SLC30A7: variants seen among roughly 807,000 people sequenced by gnomAD.
The protein encoded by SLC30A7 is zinc transporter 7.
SLC30A7 carries 35 observed loss-of-function variants against 46.0 expected under a neutral mutation model. That is an observed-to-expected ratio of 0.76 (90% CI 0.58 to 1.01). The LOEUF is 1.01. Among genes scored for constraint, SLC30A7 ranks in the 50% least tolerant of loss-of-function variants. The pLI is 0.00. For missense variants in SLC30A7, 464 were observed against 451.1 expected, an observed-to-expected ratio of 1.03 and a Z score of -0.26; for synonymous variants, 147 against 157.8, an observed-to-expected ratio of 0.93 and a Z score of 0.51.
At chr1:100,912,877 A>G (rs910643747) in intron 5 of SLC30A7, among the ~76,000 whole-genome samples, 7 of 137,370 alleles carry the variant, frequency 5.1e-5, no homozygotes, top group Middle Eastern at 3.5e-3. Flanking sequence ...GACTCTGTCT[A>G]AAAAAAAAAA....
chr1:100,990,383 A>G, the SLC30A7 span: 1 of 1,602,818 alleles, frequency 6.2e-7, no homozygotes, highest in South Asian at 1.1e-5. Flanking sequence ...TGAAATTTAC[A>G]TCAGACAATG....
chr1:100,942,975 A>T (rs1257695962), intron 8 of SLC30A7, among the ~76,000 whole-genome samples: 2 of 152,212 alleles, frequency 1.3e-5, no homozygotes, highest in African/African-American at 4.8e-5. Flanking sequence ...GTTCCCTGTT[A>T]CGTGACTGAG....
chr1:100,990,475 A>G, the SLC30A7 span: 1 of 1,614,046 alleles, frequency 6.2e-7, no homozygotes, highest in African/African-American at 1.3e-5. Flanking sequence ...TAGCATCTCC[A>G]TCTCCATTGG....
Position 100,961,935 on chromosome 1 carries a change from C to G in SLC30A7, c.933+17C>G. 1 of 1,476,328 alleles carries G rather than the reference C, an allele frequency of 6.8e-7. No individual in the cohort carries two copies. The highest frequency in any genetic ancestry group is 1.4e-5 in the African/African-American group (1 of 71,176). 91.5% of individuals were successfully genotyped at this position (1,476,328 alleles called of 1,614,324 possible). A position where few individuals can be genotyped will look rare whatever the true frequency, so the allele number is the denominator to read the frequency against. On this transcript the variant is annotated intron_variant, in intron 9 of 10. Transcript: ENST00000357650. ...TATCAGAGGGTGAGTTTCAAATACT[C>G]CAAACCATTGGATTTTATGCTGTTT...
At chr1:100,933,867 A>G (rs1021323231) in intron 8 of SLC30A7, among the ~76,000 whole-genome samples, 4 of 152,214 alleles carry the variant, frequency 2.6e-5, no homozygotes, top group Non-Finnish European at 5.9e-5. Flanking sequence ...ATGTCCTAAC[A>G]ATTCTTTAAG....
downstream of SLC30A7, among the ~76,000 whole-genome samples, chr1:100,986,675 A>G (rs1437199767): frequency 6.6e-6 from 1 of 152,216 alleles, no homozygotes; most frequent in African/African-American, 2.4e-5. Flanking sequence ...CACAATCGCT[A>G]AAAAGTGGAA....
intron 8 of SLC30A7, among the ~76,000 whole-genome samples, chr1:100,930,400 T>C (rs1363383902): frequency 1.3e-5 from 2 of 148,418 alleles, no homozygotes; most frequent in Non-Finnish European, 3.0e-5. Flanking sequence ...CTGTATAAAA[T>C]AGAATGTATA....
intron 6 of SLC30A7, among the ~76,000 whole-genome samples, chr1:100,915,188 C>CTTTTTTCT (rs777129299): frequency 0.026 from 3,221 of 122,484 alleles, 32 homozygotes; most frequent in Middle Eastern, 0.041. Flanking sequence ...CTTTTCTTTT[C>CTTTTTTCT]TTTCTTTTCT....
At chr1:100,966,580 G>A (rs781254480) in intron 10 of SLC30A7, among the ~76,000 whole-genome samples, 4 of 151,728 alleles carry the variant, frequency 2.6e-5, no homozygotes, top group Non-Finnish European at 4.4e-5. Flanking sequence ...AGCAAGACTC[G>A]GTCTCAAAGA....
chr1:100,945,033 T>C (rs1267817371), intron 8 of SLC30A7, among the ~76,000 whole-genome samples: 3 of 152,246 alleles, frequency 2.0e-5, no homozygotes, highest in African/African-American at 7.2e-5. Context: ...ATTTCTCTGA[T>C]GGCCAGTGAT....
chr1:100,995,031 C>T, the SLC30A7 span: 1 of 1,009,358 alleles, frequency 9.9e-7, no homozygotes, highest in Non-Finnish European at 1.5e-6. Flanking sequence ...ATCTTTAGAA[C>T]TCAGGTCATT....
chr1:100,990,069 T>G, the SLC30A7 span: 2 of 289,014 alleles, frequency 6.9e-6, no homozygotes, highest in Non-Finnish European at 1.3e-5. Flanking sequence ...TGGGTAATTA[T>G]AAAAGAGGTT....
At chr1:100,991,465 C>T in the SLC30A7 span, among the ~76,000 whole-genome samples, 143,698 of 152,250 alleles carry the variant, frequency 0.94, 68,365 homozygotes, top group East Asian at 1. Context: ...CATGGCCTAC[C>T]AATGAGAATA....
the SLC30A7 span, among the ~76,000 whole-genome samples, chr1:100,988,275 G>A: frequency 6.6e-6 from 1 of 152,036 alleles, no homozygotes; most frequent in Non-Finnish European, 1.5e-5. Context: ...TTCTAGCCAC[G>A]CCTTACCACA....
intron 8 of SLC30A7, among the ~76,000 whole-genome samples, chr1:100,931,793 T>G (rs2101046003): frequency 6.6e-6 from 1 of 152,294 alleles, no homozygotes; most frequent in South Asian, 2.1e-4. Flanking sequence ...CCAATCAGAG[T>G]TATTCAGGAA....
chr1:100,968,665 A>G (rs1385544497), intron 10 of SLC30A7, among the ~76,000 whole-genome samples: 4 of 151,924 alleles, frequency 2.6e-5, no homozygotes, highest in Non-Finnish European at 4.4e-5. Flanking sequence ...CAAAAATCCT[A>G]CTCTAACTAA....
chr1:100,907,542 G>A (rs753082579), intron 3 of SLC30A7, among the ~76,000 whole-genome samples: 16 of 152,106 alleles, frequency 1.1e-4, no homozygotes, highest in Non-Finnish European at 1.9e-4. Context: ...CACTGCCTGA[G>A]TGTTTCCTTT....
chr1:100,948,017 G>A (rs1243163960), intron 8 of SLC30A7, among the ~76,000 whole-genome samples: 3 of 152,118 alleles, frequency 2.0e-5, no homozygotes, highest in Non-Finnish European at 4.4e-5. Flanking sequence ...GCCAGTCTGT[G>A]TCTTTTAATT....
chr1:100,921,034 G>A (rs1557984770), intron 7 of SLC30A7, among the ~76,000 whole-genome samples: 1 of 151,936 alleles, frequency 6.6e-6, no homozygotes, highest in Non-Finnish European at 1.5e-5. Context: ...ATGTTATTAT[G>A]TCTAAGTTTT....
Sources: allele counts gnomAD v4.1 joint callset (sites outside exome capture counted in the v4.1 genomes callset), GRCh38; gene constraint gnomAD v4.1.1; transcripts MANE v1.5; gene names NCBI Gene and HGNC (gene_info 2026-07-23, HGNC 2026-07-21).